The following GLT6D1 variants were observed in gnomAD, a reference collection of about 807,000 sequenced individuals.
GLT6D1 encodes the protein glycosyltransferase 6 domain containing 1, also known as putative glycosyltransferase 6 domain-containing protein 1.
A neutral mutation model predicts 12.3 loss-of-function variants in GLT6D1; 9 were observed. The observed-to-expected ratio is 0.73, with a 90% CI of 0.44 to 1.27. The LOEUF (loss-of-function observed/expected upper bound fraction) is 1.27, where lower values mean the gene tolerates loss of function less well. Among genes scored for constraint, GLT6D1 ranks in the 50% most tolerant of loss-of-function variants. The pLI, the probability that GLT6D1 is intolerant of heterozygous loss-of-function variation, is 0.00. For missense variants in GLT6D1, 335 were observed against 346.2 expected (o/e 0.97, Z 0.26); for synonymous variants, 128 against 132.3 (o/e 0.97, Z 0.23).
Position 135,624,152 on chromosome 9 carries a change from T to C in GLT6D1, c.776A>G (p.Asn259Ser). 6.2e-7 allele frequency: 1 copy of C among 1,613,790 alleles called. No homozygotes were observed. The highest frequency in any genetic ancestry group is 8.5e-7 in the Non-Finnish European group (1 of 1,179,862). ...GVIHDIKNGL[N>S]STYEKHLNKY... ...GTTAAGGTGCTTTTCATAAGTGCTA[T>C]TGAGTCCATTTTTGATGTCATGAAT... is the stretch of plus-strand genomic sequence containing the variant. The change falls in exon 5 of 5, where the codon AAT (asparagine) becomes AGT (serine). Residue 259 changes from asparagine to serine, a missense_variant. By Grantham distance (46) the Asn-to-Ser change is conservative. Transcript: ENST00000371763.
At chr9:135,637,550 G>A (rs183591144) in intron 2 of GLT6D1, among the ~76,000 whole-genome samples, 124 of 152,084 alleles carry the variant, frequency 8.2e-4, no homozygotes, top group African/African-American at 2.8e-3. Context: ...CTCACCAGAA[G>A]CTGGTTTTCA....
intron 3 of GLT6D1, among the ~76,000 whole-genome samples, chr9:135,627,634 G>A (rs1833551420): frequency 6.6e-6 from 1 of 152,170 alleles, no homozygotes; most frequent in African/African-American, 2.4e-5. Flanking sequence ...AAATTCATAT[G>A]TGAGTTTTTG....
rs1833849102 is a variant in GLT6D1, at chr9:135,639,506, G to A, written c.-220C>T. ...TGCAGGGCTGTGCAAATAGAATGAGGTCTTGATGAGGAAGTCTTCTTGATC... is the reference window on the plus strand; with the variant it reads ...TGCAGGGCTGTGCAAATAGAATGAGATCTTGATGAGGAAGTCTTCTTGATC... On this transcript the variant is annotated 5_prime_UTR_variant, in exon 1 of 5. Transcript: ENST00000371763. 5.3e-6 allele frequency: 1 copy of A among 188,126 alleles called. No homozygotes were observed. Among genetic ancestry groups the A allele is most frequent in the Admixed American group, 6.0e-5 (1 of 16,558 alleles). The allele number at this position is 188,126 out of a possible 1,614,324, so 11.7% of individuals were successfully genotyped here. A position where few individuals can be genotyped will look rare whatever the true frequency, so the allele number is the denominator to read the frequency against.
At chr9:135,633,455 C>T (rs1031180180) in intron 2 of GLT6D1, among the ~76,000 whole-genome samples, 4 of 151,812 alleles carry the variant, frequency 2.6e-5, no homozygotes, top group African/African-American at 9.7e-5. Flanking sequence ...TTTTAGTAGA[C>T]ACGGGGCCAG....
chr9:135,627,677 A>T (rs1161840701), intron 3 of GLT6D1, among the ~76,000 whole-genome samples: 1 of 152,202 alleles, frequency 6.6e-6, no homozygotes, highest in Non-Finnish European at 1.5e-5. Context: ...TCTTGGATAT[A>T]TATCTAGAGG....
At chr9:135,631,205 A>G (rs1833638092) in intron 3 of GLT6D1, among the ~76,000 whole-genome samples, 1 of 152,210 alleles carries the variant, frequency 6.6e-6, no homozygotes, top group Non-Finnish European at 1.5e-5. Flanking sequence ...TGCATAAACC[A>G]GGAAAGCTAA....
intron 2 of GLT6D1, among the ~76,000 whole-genome samples, chr9:135,636,222 C>T (rs1384743627): frequency 6.6e-6 from 1 of 152,150 alleles, no homozygotes; most frequent in Non-Finnish European, 1.5e-5. Context: ...TGCCTGGTGG[C>T]ATGTGCCTGT....
upstream of GLT6D1, among the ~76,000 whole-genome samples, chr9:135,641,211 C>T (rs982579617): frequency 6.6e-6 from 1 of 152,218 alleles, no homozygotes; most frequent in East Asian, 1.9e-4. Flanking sequence ...CTGCCATCTA[C>T]TGCTCTCCTA....
chr9:135,627,604 T>C (rs1833550993), intron 3 of GLT6D1, among the ~76,000 whole-genome samples: 1 of 152,204 alleles, frequency 6.6e-6, no homozygotes, highest in South Asian at 2.1e-4. Context: ...ACTTTCTGGC[T>C]ATTACAAATA....
At chr9:135,638,864 T>C (rs1214549802) in intron 2 of GLT6D1, among the ~76,000 whole-genome samples, 1 of 152,148 alleles carries the variant, frequency 6.6e-6, no homozygotes, top group Non-Finnish European at 1.5e-5. Flanking sequence ...CATAAGTCTC[T>C]ACAAAAAAAA....
At chr9:135,628,911 T>C (rs1204710217) in intron 3 of GLT6D1, among the ~76,000 whole-genome samples, 1 of 152,098 alleles carries the variant, frequency 6.6e-6, no homozygotes, top group Admixed American at 6.5e-5. Flanking sequence ...ATGTCCCCTC[T>C]TTCACTCCTG....
intron 2 of GLT6D1, among the ~76,000 whole-genome samples, chr9:135,631,953 G>A (rs1218379242): frequency 6.6e-6 from 1 of 152,070 alleles, no homozygotes; most frequent in African/African-American, 2.4e-5. Context: ...GCTCACTGCA[G>A]CCTCAAACCC....
At chr9:135,633,850 A>G (rs916572644) in intron 2 of GLT6D1, among the ~76,000 whole-genome samples, 1 of 152,186 alleles carries the variant, frequency 6.6e-6, no homozygotes, top group Non-Finnish European at 1.5e-5. Flanking sequence ...AAATATCTAG[A>G]ATCAAGATCC....
upstream of GLT6D1, among the ~76,000 whole-genome samples, chr9:135,641,159 C>T (rs1833884328): frequency 2.7e-5 from 3 of 109,450 alleles, no homozygotes; most frequent in African/African-American, 8.4e-5. Flanking sequence ...GGACAGGGAT[C>T]TTCTAAGCAT....
intron 3 of GLT6D1, 132 bp downstream of exon 3, chr9:135,631,299 C>A (rs1020299680): frequency 1.1e-5 from 8 of 741,792 alleles, no homozygotes; most frequent in Non-Finnish European, 1.7e-5. Context: ...TTATAAGAGC[C>A]TCGAAAATAA....
intron 2 of GLT6D1, among the ~76,000 whole-genome samples, chr9:135,633,473 TC>T (rs1405873781): frequency 1.3e-5 from 2 of 152,102 alleles, no homozygotes; most frequent in Non-Finnish European, 2.9e-5. Flanking sequence ...CAGGCTGGTC[TC>T]AAACTCCTGA....
At chr9:135,628,680 A>G (rs1327028333) in intron 3 of GLT6D1, among the ~76,000 whole-genome samples, 1 of 152,110 alleles carries the variant, frequency 6.6e-6, no homozygotes, top group Non-Finnish European at 1.5e-5. Context: ...AGCATTTGAC[A>G]TAGTTTACCA....
intron 3 of GLT6D1, among the ~76,000 whole-genome samples, chr9:135,630,440 G>T (rs1405176634): frequency 6.7e-6 from 1 of 149,122 alleles, no homozygotes; most frequent in African/African-American, 2.5e-5. Context: ...CACAAAAGAT[G>T]AAATATGAAT....
rs558561119 is a variant in GLT6D1 at position 135,633,950 on chromosome 9, C to T, written c.72-2472G>A. ...TGGTTCCGGGGTAGATGGTAGAATC[C>T]GTGCCATGGATTAGCGTATGGGTCC... On this transcript the variant is annotated intron_variant, in intron 2 of 4. Coordinates refer to ENST00000371763, the MANE Select transcript of GLT6D1 (RefSeq NM_182974.3). Among the ~76,000 whole-genome samples the T allele has an allele frequency of 1.2e-4, 19 of 152,218 alleles. 1 individual carries two copies. The South Asian group carries it at 2.5e-3, about 20-fold the overall frequency.
Sources: allele counts gnomAD v4.1 joint callset (sites outside exome capture counted in the v4.1 genomes callset), GRCh38; gene constraint gnomAD v4.1.1; transcripts MANE v1.5; gene names NCBI Gene and HGNC (gene_info 2026-07-23, HGNC 2026-07-21).